Variants in PDZD2 observed in about 807,000 individuals in gnomAD.
The protein encoded by PDZD2 is PDZ domain-containing protein 2.
In PDZD2, 90 loss-of-function variants were observed where a neutral mutation model predicts 220.7. The observed-to-expected ratio is 0.41, with a 90% CI of 0.34 to 0.49. PDZD2 has a LOEUF of 0.49. Among genes scored for constraint, PDZD2 ranks in the 20% least tolerant of loss-of-function variants. The pLI is 0.28. For missense variants in PDZD2, 3,174 were observed against 3,608.5 expected (o/e 0.88, Z 3.08); for synonymous variants, 1,375 against 1,450.5 (o/e 0.95, Z 1.18).
chr5:32,003,383 A>ACTCC (rs1561318407), intron 5 of PDZD2, among the ~76,000 whole-genome samples: 3 of 22,886 alleles, frequency 1.3e-4, no homozygotes, highest in Non-Finnish European at 3.8e-4. Context: ...CCACACACAC[A>ACTCC]CCCACACACA....
At chr5:32,048,871 A>G (rs546673617) in intron 8 of PDZD2, among the ~76,000 whole-genome samples, 187 bp downstream of exon 8, 71 of 152,240 alleles carry the variant, frequency 4.7e-4, no homozygotes, top group African/African-American at 1.7e-3. Flanking sequence ...TAGTGGGGGG[A>G]AAATCCCTCA....
rs572407848 is a variant in PDZD2, at chr5:31,885,233, G to A, written c.476+85509G>A. On this transcript the variant is annotated intron_variant, in intron 2 of 24. Transcript: ENST00000438447. ...CAGAGAAATGCCAATCAAAGCAGTG[G>A]GATTTTTTTTTTTAATACTACTCTT... Among the ~76,000 whole-genome samples, 20 of 143,580 alleles carry A rather than the reference G, an allele frequency of 1.4e-4. No individual in the cohort carries two copies. The South Asian group carries it at 4.0e-3, about 29-fold the overall frequency. The allele number at this position is 143,580 out of a possible 152,430, so 94.2% of individuals were successfully genotyped here.
chr5:31,778,461 C>T (rs1258413347), intron 1 of PDZD2, among the ~76,000 whole-genome samples: 1 of 151,784 alleles, frequency 6.6e-6, no homozygotes, highest in Admixed American at 6.6e-5. Flanking sequence ...CTGAGGCCAG[C>T]GAGACCAGGA....
intron 2 of PDZD2, among the ~76,000 whole-genome samples, chr5:31,808,288 C>G (rs566550862): frequency 3.3e-5 from 5 of 152,268 alleles, no homozygotes; most frequent in Admixed American, 2.0e-4. Context: ...GTTTAAAAAG[C>G]CAGAGAAGCA....
chr5:31,894,906 C>T (rs988114889), intron 2 of PDZD2, among the ~76,000 whole-genome samples: 1 of 152,088 alleles, frequency 6.6e-6, no homozygotes, highest in Non-Finnish European at 1.5e-5. Context: ...CTTCCCTTCC[C>T]TTGATGGAGT....
At chr5:31,717,717 T>C (rs1167835291) in intron 1 of PDZD2, among the ~76,000 whole-genome samples, 1 of 152,198 alleles carries the variant, frequency 6.6e-6, no homozygotes, top group East Asian at 1.9e-4. Context: ...TCCGTTGTCC[T>C]CTGTGCCACG....
intron 19 of PDZD2, among the ~76,000 whole-genome samples, chr5:32,080,816 G>GA (rs1741870535): frequency 2.0e-5 from 3 of 152,034 alleles, no homozygotes; most frequent in Non-Finnish European, 4.4e-5. Context: ...AACTAACACA[G>GA]AAACAGAAAA....
At chr5:32,097,179 A>T in intron 21 of PDZD2, 100 bp from the exon 22 acceptor site, 2 of 770,216 alleles carry the variant, frequency 2.6e-6, no homozygotes, top group Non-Finnish European at 4.6e-6. Flanking sequence ...AAGAGGACTG[A>T]CATCAGAGCT....
chr5:31,792,693 C>A (rs923226636), intron 1 of PDZD2, among the ~76,000 whole-genome samples: 1 of 151,972 alleles, frequency 6.6e-6, no homozygotes, highest in African/African-American at 2.4e-5. Context: ...GCTGGGATTA[C>A]AGGCATGAGC....
chr5:32,066,803 C>T (rs1740251284), intron 14 of PDZD2, among the ~76,000 whole-genome samples: 1 of 152,218 alleles, frequency 6.6e-6, no homozygotes, highest in Non-Finnish European at 1.5e-5. Flanking sequence ...AATCAAACAT[C>T]CAAATGGCAT....
At chr5:32,095,286 T>C (rs904009520) in intron 21 of PDZD2, among the ~76,000 whole-genome samples, 4 of 152,148 alleles carry the variant, frequency 2.6e-5, no homozygotes, top group Non-Finnish European at 5.9e-5. Flanking sequence ...TTCCTACATA[T>C]CAGAACACGG....
chr5:31,969,370 A>G (rs1037739632), intron 2 of PDZD2, among the ~76,000 whole-genome samples: 1 of 151,910 alleles, frequency 6.6e-6, no homozygotes, highest in African/African-American at 2.4e-5. Context: ...TAGCTATTGC[A>G]TAGTGGTGCA....
chr5:31,775,664 CGTGTGTGTGTGTGTGT>C (rs370394146), intron 1 of PDZD2, among the ~76,000 whole-genome samples: 6 of 135,372 alleles, frequency 4.4e-5, no homozygotes, highest in East Asian at 2.2e-4. Flanking sequence ...ACTCACAGAG[CGTGTGTGTGTGTGTGT>C]GTGTGTGTGT....
At chr5:31,966,109 TTGAA>T (rs1748724604) in intron 2 of PDZD2, among the ~76,000 whole-genome samples, 3 of 152,128 alleles carry the variant, frequency 2.0e-5, no homozygotes, top group African/African-American at 7.2e-5. Flanking sequence ...AGAGGCAGAG[TTGAA>T]TCCCAGCTCT....
At chr5:32,002,301 T>C (rs1315036462) in intron 5 of PDZD2, among the ~76,000 whole-genome samples, 1 of 152,054 alleles carries the variant, frequency 6.6e-6, no homozygotes, top group Non-Finnish European at 1.5e-5. Flanking sequence ...TGTCCATTCA[T>C]AGGTCCTTTC....
chr5:31,863,469 T>G (rs1035834266), intron 2 of PDZD2, among the ~76,000 whole-genome samples: 1 of 152,228 alleles, frequency 6.6e-6, no homozygotes, highest in African/African-American at 2.4e-5. Flanking sequence ...ATTACACTTT[T>G]GAATCTAGAG....
chr5:31,934,426 C>G lies in PDZD2; in HGVS notation c.477-48729C>G, dbSNP rs548462992. 2.0e-5 allele frequency among the ~76,000 whole-genome samples: 3 copies of G among 152,172 alleles called. No homozygotes were observed. The East Asian group carries it at 5.8e-4, about 29-fold the overall frequency. On this transcript the variant is annotated intron_variant, in intron 2 of 24. Coordinates refer to ENST00000438447, the MANE Select transcript of PDZD2 (RefSeq NM_178140.4). ...AATCCTCCCATTAGTTCTTTCTCTG[C>G]CGCACCAGGGAAACATCATATATAC...
In PDZD2 at chr5:32,083,510, T is replaced by G. The variant is rs904558382; in HGVS notation, c.3683-3621T>G. ...AACCTTCCTCCCATGATTGGGCATT[T>G]CGAACGTTTCCAGAGAAAAGGTTGT... is the stretch of plus-strand genomic sequence containing the variant. On this transcript the variant is annotated intron_variant, in intron 19 of 24. Transcript: ENST00000438447. The surrounding 1 kb of genome is among the most constrained non-coding windows in gnomAD (Gnocchi z 4.1). 1.3e-5 allele frequency: 2 copies of G among 152,196 alleles called. No homozygotes were observed. The highest frequency in any genetic ancestry group is 3.8e-4 in the East Asian group (2 of 5,196). 9.4% of individuals were successfully genotyped at this position (152,196 alleles called of 1,614,324 possible).
At chr5:31,797,783 G>C (rs1466571696) in intron 1 of PDZD2, among the ~76,000 whole-genome samples, 1 of 152,148 alleles carries the variant, frequency 6.6e-6, no homozygotes, top group Non-Finnish European at 1.5e-5. Flanking sequence ...TGAGTAATAA[G>C]GTCATTTATT....
Sources: gnomAD v4.1 joint callset for allele counts (sites outside exome capture counted in the v4.1 genomes callset) on GRCh38, gnomAD v4.1.1 for gene constraint, Gnocchi (gnomAD v3.1) non-coding constraint, MANE v1.5 for transcripts, NCBI Gene and HGNC (gene_info 2026-07-23, HGNC 2026-07-21) for gene names.